ITM2A: variants seen among roughly 807,000 people sequenced by gnomAD.
ITM2A encodes the protein integral membrane protein 2A, also known as BRICHOS domain containing 2A.
Under a neutral mutation model 16.6 loss-of-function variants are expected in ITM2A, and 11 were observed. The observed-to-expected ratio is 0.66, with a 90% CI of 0.42 to 1.10. The LOEUF (loss-of-function observed/expected upper bound fraction) is 1.10. ITM2A is among the 50% of genes least tolerant of loss of function. The pLI is 0.00. For missense variants in ITM2A, 243 were observed against 206.8 expected (o/e 1.17, Z -1.07); for synonymous variants, 102 against 71.2 (o/e 1.43, Z -2.18).
chrX:79,362,495 G>A, intron 4 of ITM2A, 86 bp downstream of exon 4: 1 of 487,187 alleles, frequency 2.1e-6, no homozygotes, highest in Non-Finnish European at 3.4e-6. Context: ...AAAATGTTTT[G>A]GACAAATTCA....
intron 1 of ITM2A, among the ~76,000 whole-genome samples, chrX:79,366,661 C>G (rs1211999774): frequency 9.0e-6 from 1 of 111,439 alleles, no homozygotes; most frequent in East Asian, 2.8e-4. Flanking sequence ...TTCATCCACA[C>G]CAAAAGGAAA....
intron 5 of ITM2A, 72 bp downstream of exon 5, chrX:79,361,257 T>C: frequency 8.9e-7 from 1 of 1,124,267 alleles, no homozygotes; most frequent in Non-Finnish European, 1.2e-6. Flanking sequence ...TCCCCACTTT[T>C]TCCTGTATTC....
chrX:79,362,604 C>A lies in ITM2A; in HGVS notation c.529G>T (p.Val177Leu). 1 of 1,192,851 alleles carries A rather than the reference C, an allele frequency of 8.4e-7. No individual in the cohort carries two copies. The highest frequency in any genetic ancestry group is 1.8e-5 in the African/African-American group (1 of 57,103). ...TSIVMPPKNL[V>L]ELFGKLASGR... Reference sequence around the variant, plus strand: ...ACCGCCAGTTTGCCAAAGAGCTCTACCAGATTTTTTGGAGGCATAACAATA... The same window carrying A: ...ACCGCCAGTTTGCCAAAGAGCTCTAACAGATTTTTTGGAGGCATAACAATA... The change falls in exon 4 of 6, where the codon GTA becomes TTA. Residue 177 changes from valine to leucine, a missense_variant. Coordinates refer to ENST00000373298, the MANE Select transcript of ITM2A (RefSeq NM_004867.5).
At chrX:79,366,386 G>A (rs1347603288) in intron 1 of ITM2A, among the ~76,000 whole-genome samples, 1 of 111,053 alleles carries the variant, frequency 9.0e-6, no homozygotes, top group Non-Finnish European at 1.9e-5. Flanking sequence ...TTTTCTTTAG[G>A]AAATACCACT....
Position 79,367,264 on chromosome X carries a change from G to A in ITM2A, c.-49C>T. The A allele has an allele frequency of 4.5e-6, 4 of 895,645 alleles. No individual in the cohort carries two copies. Among genetic ancestry groups the A allele is most frequent in the Non-Finnish European group, 6.4e-6 (4 of 625,768 alleles). 73.8% of individuals were successfully genotyped at this position (895,645 alleles called of 1,213,427 possible). A position where few individuals can be genotyped will look rare whatever the true frequency, so the allele number is the denominator to read the frequency against. ...AAGGCGCTGCTGGAATCAGCGTCCT[G>A]GGCTGCAGACTGCAAGAGGAGATCC... On this transcript the variant is annotated 5_prime_UTR_variant, in exon 1 of 6. Coordinates refer to ENST00000373298, the MANE Select transcript of ITM2A (RefSeq NM_004867.5).
chrX:79,366,992 A>C (rs1246672369), intron 1 of ITM2A, 113 bp downstream of exon 1: 1 of 510,267 alleles, frequency 2.0e-6, no homozygotes, highest in Non-Finnish European at 3.2e-6. Flanking sequence ...TAAACCCCAG[A>C]GACAGCGTAA....
Position 79,362,608 on chromosome X carries a change from AT to A in ITM2A, c.524del (p.Asn175IlefsTer3), listed in dbSNP as rs1209491919. On this transcript the variant is annotated frameshift_variant, in exon 4 of 6. Coordinates refer to ENST00000373298, the MANE Select transcript of ITM2A (RefSeq NM_004867.5). LOFTEE classifies it high-confidence loss of function. ...CCAGTTTGCCAAAGAGCTCTACCAGATTTTTTGGAGGCATAACAATAGAAGT... is the reference window on the plus strand; with the variant it reads ...CCAGTTTGCCAAAGAGCTCTACCAGATTTTTGGAGGCATAACAATAGAAGT... ...LNTSIVMPPK[N>X]LVELFGKLAS... is the part of the protein sequence containing the mutation. 8.4e-7 allele frequency: 1 copy of A among 1,197,590 alleles called. No individual in the cohort carries two copies. Among genetic ancestry groups the A allele is most frequent in the Non-Finnish European group, 1.1e-6 (1 of 886,907 alleles).
chrX:79,364,307 A>C (rs1336900142), intron 1 of ITM2A, among the ~76,000 whole-genome samples: 1 of 112,388 alleles, frequency 8.9e-6, no homozygotes, highest in African/African-American at 3.2e-5. Flanking sequence ...TGTGTATTGC[A>C]TGAATGAAAT....
At chrX:79,363,577 A>G in intron 1 of ITM2A, 23 bp from the exon 2 acceptor site, 1 of 1,144,861 alleles carries the variant, frequency 8.7e-7, no homozygotes, top group Non-Finnish European at 1.2e-6. Context: ...AAGCAAAACC[A>G]AAAACAAAAC....
rs2147251295 is a variant in ITM2A at position 79,364,727 on chromosome X, T to C, written c.112-1173A>G. Among the ~76,000 whole-genome samples, 2 of 112,049 alleles carry C rather than the reference T, an allele frequency of 1.8e-5. 1 individual carries two copies. The highest frequency in any genetic ancestry group is 7.4e-4 in the South Asian group (2 of 2,713). ...CAGAGCTAACTAACCTTAAATTCAT[T>C]TGGTGAAAACAAATGCATAGATTTC... On this transcript the variant is annotated intron_variant, in intron 1 of 5. Transcript: ENST00000373298.
intron 3 of ITM2A, 52 bp from the exon 4 acceptor site, chrX:79,362,743 C>A: frequency 1.1e-6 from 1 of 891,135 alleles, no homozygotes; most frequent in South Asian, 2.2e-5. Flanking sequence ...ATTAACATTG[C>A]GAATTTTCCA....
chrX:79,364,057 A>AT (rs200680818), intron 1 of ITM2A, among the ~76,000 whole-genome samples: 14,240 of 110,952 alleles, frequency 0.13, 731 homozygotes, highest in South Asian at 0.31. Context: ...TTTCTTCATT[A>AT]TTTTTTCCAA....
At chrX:79,361,578 G>A (rs922281227) in intron 4 of ITM2A, 99 bp from the exon 5 acceptor site, 1 of 676,197 alleles carries the variant, frequency 1.5e-6, no homozygotes, top group Non-Finnish European at 2.2e-6. Flanking sequence ...AAGTAAAGTT[G>A]TGTCATGGGG....
At chrX:79,363,637 C>T (rs1192574173) in intron 1 of ITM2A, 83 bp from the exon 2 acceptor site, 3 of 603,658 alleles carry the variant, frequency 5.0e-6, no homozygotes, top group East Asian at 3.7e-5. Flanking sequence ...ATTTACCTCC[C>T]TTGAAACCCA....
chrX:79,366,204 A>G (rs1003531460), intron 1 of ITM2A, among the ~76,000 whole-genome samples: 1 of 111,702 alleles, frequency 9.0e-6, no homozygotes, highest in Admixed American at 9.5e-5. Context: ...TAAATAATGG[A>G]TAACATTTTG....
intron 1 of ITM2A, 22 bp downstream of exon 1, chrX:79,367,083 C>G (rs749417375): frequency 1.8e-6 from 2 of 1,084,143 alleles, no homozygotes; most frequent in Non-Finnish European, 1.3e-6. Context: ...ACCCCTCCCC[C>G]ATCCCGCCCT....
At chrX:79,362,476 CAATAA>C in intron 4 of ITM2A, 100 bp downstream of exon 4, 1 of 436,672 alleles carries the variant, frequency 2.3e-6, no homozygotes, top group Non-Finnish European at 3.9e-6. Flanking sequence ...AAAATTATTT[CAATAA>C]AATAAAATGT....
intron 4 of ITM2A, among the ~76,000 whole-genome samples, 186 bp downstream of exon 4, chrX:79,362,395 A>C (rs1925448576): frequency 8.9e-6 from 1 of 111,786 alleles, no homozygotes; most frequent in African/African-American, 3.3e-5. Flanking sequence ...CCTTTCCTAC[A>C]CCAGATAATG....
intron 1 of ITM2A, chrX:79,366,745 C>G (rs17251796): frequency 0.081 from 12,637 of 155,484 alleles, 521 homozygotes; most frequent in Middle Eastern, 0.17. Context: ...CTATGCGCGC[C>G]CCTGGAGGTG....
Sources: allele counts gnomAD v4.1 joint callset (sites outside exome capture counted in the v4.1 genomes callset), GRCh38; gene constraint gnomAD v4.1.1; transcripts MANE v1.5; gene names NCBI Gene and HGNC (gene_info 2026-07-23, HGNC 2026-07-21).